ZFPM2: variants seen among roughly 807,000 people sequenced by gnomAD.
ZFPM2 encodes zinc finger protein ZFPM2.
Under a neutral mutation model 98.6 loss-of-function variants are expected in ZFPM2, and 20 were observed. The ratio of observed to expected loss-of-function variants is 0.20; its 90% CI spans 0.14 to 0.29. The LOEUF is 0.29. Among genes scored for constraint, ZFPM2 ranks in the 10% least tolerant of loss-of-function variants. The probability of loss-of-function intolerance (pLI) is 1.00; values close to 1 mark genes in which losing one functional copy is unlikely to be tolerated. For missense variants in ZFPM2, 1,310 were observed against 1,388.6 expected (o/e 0.94, Z 0.90); for synonymous variants, 518 against 502.7 (o/e 1.03, Z -0.41).
intron 4 of ZFPM2, among the ~76,000 whole-genome samples, chr8:105,563,201 A>G (rs1563721342): frequency 6.6e-6 from 1 of 152,188 alleles, no homozygotes; most frequent in Non-Finnish European, 1.5e-5. Flanking sequence ...TATTACATGA[A>G]GGAAATCCCT....
intron 3 of ZFPM2, among the ~76,000 whole-genome samples, chr8:105,533,903 A>C (rs554752518): frequency 0.02 from 72 of 3,592 alleles, 1 homozygote; most frequent in African/African-American, 0.075. Flanking sequence ...CTTTCTTCCT[A>C]CCTCCTTCCC....
chr8:105,659,214 A>T (rs1251339829), intron 5 of ZFPM2, among the ~76,000 whole-genome samples: 1 of 152,224 alleles, frequency 6.6e-6, no homozygotes, highest in Admixed American at 6.5e-5. Context: ...ATACATTTTT[A>T]AGAAACTTCT....
At chr8:105,474,358 C>G (rs146103363) in intron 3 of ZFPM2, among the ~76,000 whole-genome samples, 1 of 152,314 alleles carries the variant, frequency 6.6e-6, no homozygotes, top group African/African-American at 2.4e-5. Flanking sequence ...CTACAACTAG[C>G]TCTTATTTAC....
At chr8:105,341,266 C>G (rs1812424890) in intron 1 of ZFPM2, among the ~76,000 whole-genome samples, 1 of 151,886 alleles carries the variant, frequency 6.6e-6, no homozygotes, top group South Asian at 2.1e-4. Flanking sequence ...TTTGATTTTT[C>G]AGACATGTCA....
Position 105,461,188 on chromosome 8 carries a change from A to G in ZFPM2, c.301+16807A>G, listed in dbSNP as rs572520449. The stretch of plus-strand genomic sequence containing the variant: ...TTAATATATAGTGGAATATTTTAGC[A>G]CATTTTAAAATTAAAAGAGATTGTT... On this transcript the variant is annotated intron_variant, in intron 3 of 7. Transcript: ENST00000407775. 7.9e-5 allele frequency among the ~76,000 whole-genome samples: 12 copies of G among 152,268 alleles called. No homozygotes were observed. In the South Asian group the frequency reaches 1.9e-3, roughly 24 times the overall value.
intron 5 of ZFPM2, among the ~76,000 whole-genome samples, chr8:105,745,843 T>C (rs1293439164): frequency 6.6e-6 from 1 of 152,128 alleles, no homozygotes; most frequent in Non-Finnish European, 1.5e-5. Flanking sequence ...CACTGTAACC[T>C]CTGCCTCTGG....
At chr8:105,398,391 A>C (rs1371855535) in intron 1 of ZFPM2, among the ~76,000 whole-genome samples, 2 of 152,170 alleles carry the variant, frequency 1.3e-5, no homozygotes, top group Non-Finnish European at 2.9e-5. Context: ...ATTGTTTCTG[A>C]TATCTCCCTT....
intron 6 of ZFPM2, among the ~76,000 whole-genome samples, chr8:105,793,847 C>T (rs1476868862): frequency 2.0e-5 from 3 of 149,894 alleles, no homozygotes; most frequent in African/African-American, 5.1e-5. Context: ...TCGCTGATAC[C>T]CTTTCTTCTA....
At chr8:105,678,377 G>C (rs1415495269) in intron 5 of ZFPM2, 1 of 152,168 alleles carries the variant, frequency 6.6e-6, no homozygotes. Context: ...GCCCCTGTCA[G>C]TAATAGAGAA....
chr8:105,447,653 G>A (rs1337979866), intron 3 of ZFPM2, among the ~76,000 whole-genome samples: 2 of 152,078 alleles, frequency 1.3e-5, no homozygotes, highest in East Asian at 3.9e-4. Context: ...GTCACCCTAA[G>A]AGAGATGATT....
At chr8:105,754,688 T>A (rs1286095753) in intron 5 of ZFPM2, among the ~76,000 whole-genome samples, 3 of 152,104 alleles carry the variant, frequency 2.0e-5, no homozygotes, top group Non-Finnish European at 4.4e-5. Context: ...AACCTTTTTT[T>A]TTTTTTCTAT....
At chr8:105,732,993 A>C (rs952545368) in intron 5 of ZFPM2, among the ~76,000 whole-genome samples, 2 of 151,936 alleles carry the variant, frequency 1.3e-5, no homozygotes, top group Non-Finnish European at 2.9e-5. Context: ...AGATGTAAGC[A>C]TATAGAATTT....
chr8:105,789,011 C>G lies in ZFPM2; in HGVS notation c.739+87C>G, dbSNP rs79563255. On this transcript the variant is annotated intron_variant, in intron 6 of 7. Coordinates refer to ENST00000407775, the MANE Select transcript of ZFPM2 (RefSeq NM_012082.4). ...ATGTCTACTGACAAGAAACCAGGAA[C>G]AGACCTTTTTCCTTCAGTGTTGTGG... 629 of 1,106,442 alleles carry G rather than the reference C, an allele frequency of 5.7e-4. 3 individuals are homozygous for G. In the African/African-American group the frequency reaches 8.4e-3, roughly 15 times the overall value. The allele number at this position is 1,106,442 out of a possible 1,614,324, so 68.5% of individuals were successfully genotyped here. A position where few individuals can be genotyped will look rare whatever the true frequency, so the allele number is the denominator to read the frequency against.
intron 1 of ZFPM2, among the ~76,000 whole-genome samples, chr8:105,352,126 C>G (rs1812660760): frequency 6.6e-6 from 1 of 152,162 alleles, no homozygotes; most frequent in Admixed American, 6.5e-5. Context: ...ATGGATGCAT[C>G]ACTTCCTAAA....
At chr8:105,612,459 T>C (rs1027335781) in intron 4 of ZFPM2, among the ~76,000 whole-genome samples, 1 of 152,112 alleles carries the variant, frequency 6.6e-6, no homozygotes, top group African/African-American at 2.4e-5. Context: ...AGGTGAAAAA[T>C]GTAATTTCAG....
intron 1 of ZFPM2, among the ~76,000 whole-genome samples, chr8:105,386,139 GAA>G (rs1554600112): frequency 6.6e-6 from 1 of 152,144 alleles, no homozygotes; most frequent in Non-Finnish European, 1.5e-5. Flanking sequence ...TAGAGAATTA[GAA>G]AAAGTCTTTT....
At chr8:105,670,347 T>A (rs1817568569) in intron 5 of ZFPM2, among the ~76,000 whole-genome samples, 1 of 151,824 alleles carries the variant, frequency 6.6e-6, no homozygotes, top group South Asian at 2.1e-4. Flanking sequence ...ATGCAAAAAA[T>A]TAGCTGGGCG....
intron 1 of ZFPM2, among the ~76,000 whole-genome samples, chr8:105,358,246 C>CCAAGATT (rs953028523): frequency 1.3e-5 from 2 of 151,116 alleles, no homozygotes; most frequent in African/African-American, 4.9e-5. Flanking sequence ...CAAAGGGATC[C>CCAAGATT]CAAGATTCAT....
At position 105,788,897 on chromosome 8, in the gene ZFPM2, T is replaced by A. The variant is rs777303798; in HGVS notation, c.712T>A (p.Ser238Thr). 6.2e-7 allele frequency: 1 copy of A among 1,613,794 alleles called. No individual in the cohort carries two copies. Among genetic ancestry groups the A allele is most frequent in the Non-Finnish European group, 8.5e-7 (1 of 1,179,812 alleles). ...GCTTCCTCAGCAAGCTGCCATGGCT[T>A]CTATTTTGCCCACAGCTATTGTCAA... Reference protein sequence around the residue: ...QLLPQQAAMASILPTAIVNKD... With the variant: ...QLLPQQAAMATILPTAIVNKD... Residue 238 changes from serine to threonine, a missense_variant, in exon 6 of 8, where the codon TCT becomes ACT. Physicochemically the swap from Ser to Thr is moderately conservative, Grantham distance 58. Transcript: ENST00000407775.
Sources: gnomAD v4.1 joint callset for allele counts (sites outside exome capture counted in the v4.1 genomes callset) on GRCh38, gnomAD v4.1.1 for gene constraint, MANE v1.5 for transcripts, NCBI Gene and HGNC (gene_info 2026-07-23, HGNC 2026-07-21) for gene names.